Variants in ARMH3 observed in about 807,000 individuals in gnomAD.
ARMH3 encodes armadillo-like helical domain-containing protein 3.
ARMH3 carries 60 observed loss-of-function variants against 99.1 expected under a neutral mutation model. That is an observed-to-expected ratio of 0.61 (90% confidence interval 0.49 to 0.75). ARMH3 has a LOEUF of 0.75. Among genes scored for constraint, ARMH3 ranks in the 30% least tolerant of loss-of-function variants. The pLI is 0.00. For missense variants in ARMH3, 679 were observed against 843.1 expected (o/e 0.81, Z 2.41); for synonymous variants, 285 against 292.8 (o/e 0.97, Z 0.27).
intron 24 of ARMH3, among the ~76,000 whole-genome samples, chr10:101,852,421 T>C (rs2066623952): frequency 6.6e-6 from 1 of 151,956 alleles, no homozygotes; most frequent in Admixed American, 6.6e-5. Context: ...TACAGGGAGG[T>C]GAGAGCAGAA....
chr10:101,900,230 A>G (rs1354361975), intron 23 of ARMH3, among the ~76,000 whole-genome samples: 1 of 152,238 alleles, frequency 6.6e-6, no homozygotes, highest in Non-Finnish European at 1.5e-5. Flanking sequence ...CTGGGGCTAC[A>G]GAATGAAAAC....
At chr10:101,911,056 C>T (rs952559134) in intron 23 of ARMH3, among the ~76,000 whole-genome samples, 10 of 151,496 alleles carry the variant, frequency 6.6e-5, no homozygotes, top group African/African-American at 2.2e-4. Context: ...AGGAGAATCG[C>T]TTGACCCAGA....
chr10:102,029,634 T>G lies in ARMH3; in HGVS notation c.414+4A>C. On this transcript the variant is annotated splice_donor_region_variant and intron_variant, in intron 5 of 25. Coordinates refer to ENST00000370033, the MANE Select transcript of ARMH3 (RefSeq NM_024541.3). ...CACAGGCACATCTGCAGCTTATGCC[T>G]CACCTTCATGCACAGCTCCGCCTTG... 6.2e-7 allele frequency: 1 copy of G among 1,614,218 alleles called. No homozygotes were observed. The highest frequency in any genetic ancestry group is 8.5e-7 in the Non-Finnish European group (1 of 1,180,030).
intron 14 of ARMH3, among the ~76,000 whole-genome samples, chr10:102,004,256 G>T (rs1423963646): frequency 6.6e-6 from 1 of 152,024 alleles, no homozygotes; most frequent in Non-Finnish European, 1.5e-5. Flanking sequence ...CTATAATTAA[G>T]ATCTAAAAAT....
At chr10:101,862,669 A>G (rs961477420) in intron 24 of ARMH3, among the ~76,000 whole-genome samples, 2 of 152,216 alleles carry the variant, frequency 1.3e-5, no homozygotes, top group Non-Finnish European at 2.9e-5. Context: ...ACGAAAACGG[A>G]TAACTAAAAT....
intron 4 of ARMH3, among the ~76,000 whole-genome samples, chr10:102,032,018 A>G (rs985551999): frequency 6.6e-6 from 1 of 152,158 alleles, no homozygotes; most frequent in African/African-American, 2.4e-5. Context: ...GATTACAGGC[A>G]TGAGCCACCG....
chr10:102,046,262 G>A (rs1268302263), intron 1 of ARMH3, among the ~76,000 whole-genome samples: 3 of 146,874 alleles, frequency 2.0e-5, no homozygotes, highest in Non-Finnish European at 4.5e-5. Flanking sequence ...AAAAGAAAGA[G>A]AGAAAAAGAG....
chr10:102,040,035 A>G lies in ARMH3; in HGVS notation c.80T>C (p.Leu27Pro). The G allele has an allele frequency of 6.2e-7, 1 of 1,614,180 alleles. No homozygotes were observed. The highest frequency in any genetic ancestry group is 8.5e-7 in the Non-Finnish European group (1 of 1,180,002). ...SKKPLKEKVV[L>P]MYDEIFMTED... is the part of the protein sequence containing the mutation. ...TACCATGAAGATCTCATCATACATC[A>G]GCACCACTTTTTCCTTCAGTGGTTT... The change falls in exon 2 of 26, where the codon CTG becomes CCG. Residue 27 changes from leucine to proline, a missense_variant. Leu to Pro is a moderately conservative substitution (Grantham distance 98, BLOSUM62 -3). Around this residue, in one of 3 missense-constraint regions of ARMH3, gnomAD observed 280 missense variants for 354.6 expected, o/e 0.79. Transcript: ENST00000370033.
At chr10:101,876,247 CAAA>C (rs34928343) in intron 24 of ARMH3, among the ~76,000 whole-genome samples, 3 of 83,508 alleles carry the variant, frequency 3.6e-5, no homozygotes, top group African/African-American at 5.1e-5. Context: ...GGCTCCATCT[CAAA>C]AAAAAAAAAA....
intron 22 of ARMH3, among the ~76,000 whole-genome samples, chr10:101,951,520 C>T (rs1304012772): frequency 2.6e-5 from 4 of 152,144 alleles, no homozygotes; most frequent in African/African-American, 9.7e-5. Flanking sequence ...CTGCAATGAG[C>T]TGTGATTGAC....
At chr10:101,853,135 C>T (rs1017926657) in intron 24 of ARMH3, among the ~76,000 whole-genome samples, 1 of 151,594 alleles carries the variant, frequency 6.6e-6, no homozygotes, top group African/African-American at 2.4e-5. Flanking sequence ...AGGTGCTCCA[C>T]CCGCCTCAGT....
intron 22 of ARMH3, among the ~76,000 whole-genome samples, chr10:101,946,835 A>G (rs1242675218): frequency 6.6e-6 from 1 of 152,144 alleles, no homozygotes; most frequent in Non-Finnish European, 1.5e-5. Flanking sequence ...AACTCAAAGA[A>G]AAATTGTGCA....
At chr10:102,049,269 C>T (rs761432915) in intron 1 of ARMH3, among the ~76,000 whole-genome samples, 9 of 152,290 alleles carry the variant, frequency 5.9e-5, no homozygotes, top group Non-Finnish European at 8.8e-5. Flanking sequence ...AGGGCTGGCA[C>T]GGTGGCTCAC....
chr10:102,017,869 G>A (rs974626373), intron 8 of ARMH3, among the ~76,000 whole-genome samples: 8 of 151,940 alleles, frequency 5.3e-5, no homozygotes, highest in African/African-American at 1.9e-4. Context: ...CCTTTCTCAC[G>A]GCCTCCCCTT....
Position 102,033,148 on chromosome 10 carries a change from T to C in ARMH3, c.184A>G (p.Lys62Glu). The change falls in exon 4 of 26, where the codon AAG becomes GAG. Residue 62 changes from lysine (K) to glutamate (E), a missense_variant. Coordinates refer to ENST00000370033, the MANE Select transcript of ARMH3 (RefSeq NM_024541.3). ...TCCTCACCATCAAGAGATTCCAGCT[T>C]GCCTTCTAGGTACTCTAAATTCACC... is the stretch of plus-strand genomic sequence containing the variant. ...MKVNLEYLEG[K>E]LESLDGEELM... is the part of the protein sequence containing the mutation. 6.2e-7 allele frequency: 1 copy of C among 1,614,222 alleles called. No individual in the cohort carries two copies. The highest frequency in any genetic ancestry group is 8.5e-7 in the Non-Finnish European group (1 of 1,180,040).
chr10:101,918,818 T>C (rs942772028), intron 23 of ARMH3, among the ~76,000 whole-genome samples: 6 of 152,198 alleles, frequency 3.9e-5, no homozygotes, highest in Admixed American at 6.5e-5. Flanking sequence ...CAATTCAAAA[T>C]TGTCTAGGAG....
At position 101,968,872 on chromosome 10, in the gene ARMH3, T is replaced by C. The variant is rs549861546; in HGVS notation, c.1495+6340A>G. Among the ~76,000 whole-genome samples, 4 of 152,318 alleles carry C rather than the reference T, an allele frequency of 2.6e-5. No individual in the cohort carries two copies. In the South Asian group the frequency reaches 6.2e-4, roughly 24 times the overall value. ...TAGACAATATTTCATAACTACATTA[T>C]AGAACCAGAAAGATACCTTCTAATG... On this transcript the variant is annotated intron_variant, in intron 20 of 25. Transcript: ENST00000370033.
intron 23 of ARMH3, among the ~76,000 whole-genome samples, chr10:101,910,725 C>T (rs567725674): frequency 4.5e-4 from 66 of 146,678 alleles, no homozygotes; most frequent in African/African-American, 1.6e-3. Flanking sequence ...GAGCAAGACT[C>T]CATCTCAAAA....
chr10:101,853,416 C>T (rs891068943), intron 24 of ARMH3, among the ~76,000 whole-genome samples: 1 of 152,162 alleles, frequency 6.6e-6, no homozygotes, highest in Non-Finnish European at 1.5e-5. Context: ...GTAGCTCAGA[C>T]TTAAGGAACA....
Sources: gnomAD v4.1 joint callset for allele counts (sites outside exome capture counted in the v4.1 genomes callset) on GRCh38, gnomAD v4.1.1 for gene constraint, gnomAD v4.1.1 regional missense constraint, MANE v1.5 for transcripts, NCBI Gene and HGNC (gene_info 2026-07-23, HGNC 2026-07-21) for gene names.